Variants in SIK3 observed in about 807,000 individuals in gnomAD.
SIK3 encodes the protein serine/threonine-protein kinase SIK3.
Under a neutral mutation model 144.2 loss-of-function variants are expected in SIK3, and 28 were observed. The observed-to-expected ratio is 0.19, with a 90% confidence interval of 0.14 to 0.27. The LOEUF (loss-of-function observed/expected upper bound fraction) is 0.27, where lower values mean the gene tolerates loss of function less well. SIK3 is among the 10% of genes least tolerant of loss of function. SIK3 has a pLI of 1.00. For missense variants in SIK3, 1,319 were observed against 1,776.0 expected (o/e 0.74, Z 4.62); for synonymous variants, 686 against 676.3 (o/e 1.01, Z -0.22).
intron 3 of SIK3, among the ~76,000 whole-genome samples, chr11:116,945,380 CTT>C (rs35915801): frequency 0.077 from 7,350 of 95,190 alleles, 237 homozygotes; most frequent in Middle Eastern, 0.12. Flanking sequence ...TTCATGAATT[CTT>C]TTTTTTTTTT....
intron 4 of SIK3, among the ~76,000 whole-genome samples, chr11:116,904,248 T>C (rs1353215419): frequency 6.6e-6 from 1 of 152,190 alleles, no homozygotes; most frequent in Non-Finnish European, 1.5e-5. Context: ...AAGGGTGCTC[T>C]GAATGGCAGT....
chr11:116,947,285 G>C (rs192868937), intron 3 of SIK3, among the ~76,000 whole-genome samples: 1 of 120,492 alleles, frequency 8.3e-6, no homozygotes, highest in African/African-American at 3.2e-5. Context: ...TAAAGTCAGA[G>C]AATATGCTAC....
intron 19 of SIK3, among the ~76,000 whole-genome samples, chr11:116,860,755 G>A (rs1333972819): frequency 7.1e-6 from 1 of 140,520 alleles, no homozygotes; most frequent in Non-Finnish European, 1.5e-5. Context: ...ACATCTTGAA[G>A]TGTAGTCCCC....
intron 1 of SIK3, among the ~76,000 whole-genome samples, chr11:117,091,929 C>T (rs1051811329): frequency 1.1e-4 from 17 of 152,114 alleles, no homozygotes; most frequent in Middle Eastern, 3.4e-3. Context: ...GCTACAGGTG[C>T]GCACCACCAC....
intron 4 of SIK3, among the ~76,000 whole-genome samples, chr11:116,898,498 G>T (rs1460669291): frequency 6.6e-6 from 1 of 152,024 alleles, no homozygotes; most frequent in East Asian, 1.9e-4. Context: ...CCAGTAATGG[G>T]ATGGCTGGGT....
At chr11:117,065,818 C>T (rs1346174193) in intron 1 of SIK3, among the ~76,000 whole-genome samples, 8 of 151,782 alleles carry the variant, frequency 5.3e-5, no homozygotes, top group African/African-American at 1.9e-4. Context: ...TCAGTAGAGA[C>T]AGGGCTTCAC....
intron 4 of SIK3, among the ~76,000 whole-genome samples, chr11:116,911,030 G>C (rs113949032): frequency 0.059 from 8,985 of 152,256 alleles, 880 homozygotes; most frequent in African/African-American, 0.21. Context: ...AGCTACTTGG[G>C]AGGCTGAGGC....
In SIK3 at chr11:116,978,347, G is replaced by A. The variant is rs11216211; in HGVS notation, c.274-21283C>T. 5.7e-3 allele frequency among the ~76,000 whole-genome samples: 869 copies of A among 152,074 alleles called. 11 individuals carry two copies. Among genetic ancestry groups the A allele is most frequent in the African/African-American group, 0.02 (835 of 41,466 alleles). On this transcript the variant is annotated intron_variant, in intron 1 of 24. Transcript: ENST00000445177. ...GTCATATTCAAACCATAGTTCCTAC[G>A]TACTCTTCCATTCCCCAGTACCACC...
chr11:116,921,555 A>C (rs958402787), intron 4 of SIK3, among the ~76,000 whole-genome samples: 1 of 152,188 alleles, frequency 6.6e-6, no homozygotes, highest in African/African-American at 2.4e-5. Flanking sequence ...TTAATAAAAA[A>C]GAGATGGAAT....
chr11:117,081,125 A>G (rs1183802893), intron 1 of SIK3, among the ~76,000 whole-genome samples: 1 of 152,034 alleles, frequency 6.6e-6, no homozygotes, highest in Non-Finnish European at 1.5e-5. Context: ...ACAAGTGGCA[A>G]ACTAGATTGT....
chr11:117,085,883 G>A (rs1319240233), intron 1 of SIK3, among the ~76,000 whole-genome samples: 1 of 152,144 alleles, frequency 6.6e-6, no homozygotes, highest in African/African-American at 2.4e-5. Flanking sequence ...TACTCAGGAG[G>A]CAGAGGTTGC....
At chr11:116,991,943 T>C (rs1037882363) in intron 1 of SIK3, among the ~76,000 whole-genome samples, 1 of 152,132 alleles carries the variant, frequency 6.6e-6, no homozygotes, top group Non-Finnish European at 1.5e-5. Context: ...TATATACATA[T>C]ACACCCATAC....
intron 1 of SIK3, among the ~76,000 whole-genome samples, chr11:116,995,646 G>A (rs1419870148): frequency 5.3e-5 from 8 of 152,138 alleles, no homozygotes; most frequent in Admixed American, 3.9e-4. Context: ...TATTCTAATC[G>A]TCTAGTGATT....
chr11:116,868,157 T>C (rs905906744), intron 14 of SIK3, 68 bp from the exon 15 acceptor site: 46 of 1,540,324 alleles, frequency 3.0e-5, no homozygotes, highest in Admixed American at 3.9e-5. Context: ...CAAGAAGCAT[T>C]AGAAGTTAAT....
At chr11:116,978,612 T>C (rs1248283795) in intron 1 of SIK3, among the ~76,000 whole-genome samples, 5 of 152,122 alleles carry the variant, frequency 3.3e-5, no homozygotes, top group African/African-American at 1.2e-4. Context: ...CAAGAGATCC[T>C]TCCACCTCAG....
At chr11:116,967,954 G>A (rs1404717693) in intron 1 of SIK3, among the ~76,000 whole-genome samples, 1 of 152,124 alleles carries the variant, frequency 6.6e-6, no homozygotes, top group Non-Finnish European at 1.5e-5. Context: ...TTTGTGTGAT[G>A]GCTTGTGCAT....
intron 1 of SIK3, among the ~76,000 whole-genome samples, chr11:117,050,909 G>A (rs1301424629): frequency 1.3e-5 from 2 of 152,136 alleles, no homozygotes; most frequent in Non-Finnish European, 2.9e-5. Context: ...ACCAGAGTCA[G>A]ACTGCAGAAG....
intron 1 of SIK3, among the ~76,000 whole-genome samples, chr11:117,028,039 GAAT>G (rs1201748291): frequency 9.9e-5 from 15 of 152,086 alleles, no homozygotes; most frequent in Admixed American, 9.8e-4. Flanking sequence ...AAAATTTGCA[GAAT>G]ATTTATTTTA....
intron 3 of SIK3, among the ~76,000 whole-genome samples, chr11:116,949,099 C>A (rs1948809479): frequency 6.7e-6 from 1 of 150,046 alleles, no homozygotes; most frequent in East Asian, 1.9e-4. Context: ...GATATGCAGC[C>A]AAAGCATGCT....
Sources: gnomAD v4.1 joint callset for allele counts (sites outside exome capture counted in the v4.1 genomes callset) on GRCh38, gnomAD v4.1.1 for gene constraint, MANE v1.5 for transcripts, NCBI Gene and HGNC (gene_info 2026-07-23, HGNC 2026-07-21) for gene names.